GIPC3: variants seen among roughly 807,000 people sequenced by gnomAD.
GIPC3 encodes GIPC PDZ domain containing family member 3.
In GIPC3, 16 loss-of-function variants were observed where a neutral mutation model predicts 27.3. That is an observed-to-expected ratio of 0.59 (90% CI 0.40 to 0.89). The LOEUF (loss-of-function observed/expected upper bound fraction) is 0.89, where lower values mean the gene tolerates loss of function less well. GIPC3 is among the 40% of genes least tolerant of loss of function. The pLI is 0.00. For synonymous variants in GIPC3, 194 were observed against 184.6 expected (o/e 1.05, Z -0.41); for missense variants, 440 against 442.1 (o/e 1.00, Z 0.04).
chr19:3,591,505 C>T lies in GIPC3; in HGVS notation c.*1315C>T. The T allele has an allele frequency of 8.1e-7, 1 of 1,232,440 alleles. No individual in the cohort carries two copies. 76.3% of individuals were successfully genotyped at this position (1,232,440 alleles called of 1,614,324 possible). The stretch of plus-strand genomic sequence containing the variant: ...GACACTCGGTCTAGCTCCGGAACCC[C>T]AGTTAATTTTGGAACCCATGTGAGA... On this transcript the variant is annotated 3_prime_UTR_variant, in exon 6 of 6. Transcript: ENST00000644452.
chr19:3,592,855 G>T lies in GIPC3; in HGVS notation c.*2665G>T. The T allele has an allele frequency of 8.1e-7, 1 of 1,232,140 alleles. No homozygotes were observed. The highest frequency in any genetic ancestry group is 1.0e-6 in the Non-Finnish European group (1 of 988,056). 76.3% of individuals were successfully genotyped at this position (1,232,140 alleles called of 1,614,324 possible). ...AGAATCTGGCTGAGCCCTGGAAATG[G>T]AATCTGCCCACAGACCCCTGGCCTT... is the stretch of plus-strand genomic sequence containing the variant. On this transcript the variant is annotated 3_prime_UTR_variant, in exon 6 of 6. Coordinates refer to ENST00000644452, the MANE Select transcript of GIPC3 (RefSeq NM_133261.3).
Position 3,592,020 on chromosome 19 carries a change from G to T in GIPC3, c.*1830G>T. On this transcript the variant is annotated 3_prime_UTR_variant, in exon 6 of 6. Coordinates refer to ENST00000644452, the MANE Select transcript of GIPC3 (RefSeq NM_133261.3). Reference sequence around the variant, plus strand: ...CAGTTCTGGAGCACAGGCTGGTTCTGAAATCCCAGCCAGCTCCAAAACACA... The same window carrying T: ...CAGTTCTGGAGCACAGGCTGGTTCTTAAATCCCAGCCAGCTCCAAAACACA... 8.1e-7 allele frequency: 1 copy of T among 1,232,050 alleles called. No individual in the cohort carries two copies. The highest frequency in any genetic ancestry group is 1.0e-6 in the Non-Finnish European group (1 of 988,030). 76.3% of individuals were successfully genotyped at this position (1,232,050 alleles called of 1,614,324 possible).
In GIPC3 at chr19:3,589,835, G is replaced by C; in HGVS notation, c.710G>C (p.Ser237Thr). Reference protein sequence around the residue: ...GGAATVEEAPSEFEEEASRKV... With the variant: ...GGAATVEEAPTEFEEEASRKV... ...TTCCCTCCCGTGTGCCCCCAGCCCA[G>C]TGAGTTTGAGGAGGAGGCATCTCGG... The change falls in exon 5 of 6, where the codon AGT becomes ACT. Residue 237 changes from serine (S) to threonine (T), a missense_variant. Coordinates refer to ENST00000644452, the MANE Select transcript of GIPC3 (RefSeq NM_133261.3). The C allele has an allele frequency of 1.2e-6, 2 of 1,613,840 alleles. No homozygotes were observed.
At position 3,586,705 on chromosome 19, in the gene GIPC3, G is replaced by A. The variant is rs557145939; in HGVS notation, c.411+25G>A. 7.1e-5 allele frequency: 114 copies of A among 1,608,948 alleles called. No individual in the cohort carries two copies. In the East Asian group the frequency reaches 1.2e-3, roughly 16 times the overall value. On this transcript the variant is annotated intron_variant, in intron 2 of 5. Transcript: ENST00000644452. Reference sequence around the variant, plus strand: ...GGTGCCCGGGAGGGGGTGGGCGGGTGGCTTCCTGGGGTCCAGCAACTGCCC... The same window carrying A: ...GGTGCCCGGGAGGGGGTGGGCGGGTAGCTTCCTGGGGTCCAGCAACTGCCC...
Position 3,591,249 on chromosome 19 carries a change from AC to A in GIPC3, c.*1061del. On this transcript the variant is annotated 3_prime_UTR_variant, in exon 6 of 6. Coordinates refer to ENST00000644452, the MANE Select transcript of GIPC3 (RefSeq NM_133261.3). ...CTCTAGAACCCAGATAAGATCTGAG[AC>A]CAAGCCCTGCTCTGAAGCCCAGGCC... The A allele has an allele frequency of 8.1e-7, 1 of 1,232,856 alleles. No homozygotes were observed. Among genetic ancestry groups the A allele is most frequent in the Non-Finnish European group, 1.0e-6 (1 of 988,504 alleles). The allele number at this position is 1,232,856 out of a possible 1,614,324, so 76.4% of individuals were successfully genotyped here. A position where few individuals can be genotyped will look rare whatever the true frequency, so the allele number is the denominator to read the frequency against.
At chr19:3,587,836 GCC>G (rs2032404397) in intron 3 of GIPC3, among the ~76,000 whole-genome samples, 3 of 146,862 alleles carry the variant, frequency 2.0e-5, no homozygotes, top group African/African-American at 7.6e-5. Flanking sequence ...GACTACAGGC[GCC>G]CGCCACCACA....
chr19:3,590,073 G>A lies in GIPC3; in HGVS notation c.822G>A (p.Ala274=), dbSNP rs749866587. 43 of 1,611,172 alleles carry A rather than the reference G, an allele frequency of 2.7e-5. No homozygotes were observed. In the East Asian group the frequency reaches 2.7e-4, roughly 10 times the overall value. ...TGGTGGAGACGTCCAAGAAGACAGC[G>A]AGCGCCCAGGAGTTTGCACGCTGTT... ...STMVETSKKT[A]SAQEFARCLD... is the part of the protein sequence containing the mutation. Residue 274 remains alanine (A), a synonymous_variant, in exon 6 of 6, where the codon GCG becomes GCA. Transcript: ENST00000644452.
chr19:3,592,389 G>C lies in GIPC3; in HGVS notation c.*2199G>C. Reference sequence around the variant, plus strand: ...GACCCAGATAAGCTCAAGAATTCAAGCCAGCTCTGGAAGTCAGCTTAGTTC... The same window carrying C: ...GACCCAGATAAGCTCAAGAATTCAACCCAGCTCTGGAAGTCAGCTTAGTTC... On this transcript the variant is annotated 3_prime_UTR_variant, in exon 6 of 6. Transcript: ENST00000644452. 8.1e-7 allele frequency: 1 copy of C among 1,231,792 alleles called. No individual in the cohort carries two copies. Among genetic ancestry groups the C allele is most frequent in the Non-Finnish European group, 1.0e-6 (1 of 987,916 alleles). 76.3% of individuals were successfully genotyped at this position (1,231,792 alleles called of 1,614,324 possible). A position where few individuals can be genotyped will look rare whatever the true frequency, so the allele number is the denominator to read the frequency against.
Position 3,593,025 on chromosome 19 carries a change from C to A in GIPC3, c.*2835C>A. On this transcript the variant is annotated 3_prime_UTR_variant, in exon 6 of 6. Transcript: ENST00000644452. Reference sequence around the variant, plus strand: ...TCAGGTATGTGGCATCCAGGCCAGCCTTGGCCCCATCCCAGGCTTACCCCA... The same window carrying A: ...TCAGGTATGTGGCATCCAGGCCAGCATTGGCCCCATCCCAGGCTTACCCCA... 8.1e-7 allele frequency: 1 copy of A among 1,232,056 alleles called. No individual in the cohort carries two copies. Among genetic ancestry groups the A allele is most frequent in the Non-Finnish European group, 1.0e-6 (1 of 988,164 alleles). The allele number at this position is 1,232,056 out of a possible 1,614,324, so 76.3% of individuals were successfully genotyped here. A position where few individuals can be genotyped will look rare whatever the true frequency, so the allele number is the denominator to read the frequency against.
chr19:3,591,203 C>A lies in GIPC3; in HGVS notation c.*1013C>A, dbSNP rs369235367. ...CCAAGCCCTGTTCTAGAACTCAGGC[C>A]ACCTCTGAGGCCAAACCCAGCTCTA... On this transcript the variant is annotated 3_prime_UTR_variant, in exon 6 of 6. Transcript: ENST00000644452. The A allele has an allele frequency of 2.0e-5, 25 of 1,232,700 alleles. No individual in the cohort carries two copies. The highest frequency in any genetic ancestry group is 6.2e-4 in the Middle Eastern group (2 of 3,210). The allele number at this position is 1,232,700 out of a possible 1,614,324, so 76.4% of individuals were successfully genotyped here.
intron 3 of GIPC3, among the ~76,000 whole-genome samples, chr19:3,587,686 T>TTTTCTTTTCTTTTTTCC (rs2032399701): frequency 8.1e-6 from 1 of 123,604 alleles, no homozygotes; most frequent in African/African-American, 4.4e-5. Flanking sequence ...TTCTTTTTTC[T>TTTTCTTTTCTTTTTTCC]TTTCTTTTCT....
chr19:3,585,751 A>T lies in GIPC3; in HGVS notation c.154A>T (p.Ile52Phe). Residue 52 changes from isoleucine (I) to phenylalanine (F), a missense_variant, in exon 1 of 6, where the codon ATC (isoleucine) becomes TTC (phenylalanine). Transcript: ENST00000644452. The part of the protein sequence containing the change: ...QLAHGSPTGK[I>F]EGFTNVRELY... Reference sequence around the variant, plus strand: ...GGCGCACGGGAGCCCCACGGGCAAGATCGAGGGCTTCACCAACGTCCGCGA... The same window carrying T: ...GGCGCACGGGAGCCCCACGGGCAAGTTCGAGGGCTTCACCAACGTCCGCGA... 1 of 1,546,102 alleles carries T rather than the reference A, an allele frequency of 6.5e-7. No individual in the cohort carries two copies. The highest frequency in any genetic ancestry group is 8.7e-7 in the Non-Finnish European group (1 of 1,145,490).
At chr19:3,589,766 G>A in intron 4 of GIPC3, 65 bp from the exon 5 acceptor site, 2 of 1,521,356 alleles carry the variant, frequency 1.3e-6, no homozygotes, top group Non-Finnish European at 1.8e-6. Flanking sequence ...GTGGGGGTCG[G>A]GAGGGGGCTG....
At position 3,590,970 on chromosome 19, in the gene GIPC3, T is replaced by C. The variant is rs115083060; in HGVS notation, c.*780T>C. The C allele has an allele frequency of 4.3e-3, 5,266 of 1,225,520 alleles. 164 individuals carry two copies. In the African/African-American group the frequency reaches 0.075, roughly 17 times the overall value. The allele number at this position is 1,225,520 out of a possible 1,614,324, so 75.9% of individuals were successfully genotyped here. On this transcript the variant is annotated 3_prime_UTR_variant, in exon 6 of 6. Coordinates refer to ENST00000644452, the MANE Select transcript of GIPC3 (RefSeq NM_133261.3). Reference sequence around the variant, plus strand: ...AGAGCCCAGTATTGAGACCAAGCCCTGTTCTAGAGTCCAGGCCAGCTCCGA... The same window carrying C: ...AGAGCCCAGTATTGAGACCAAGCCCCGTTCTAGAGTCCAGGCCAGCTCCGA...
In GIPC3 at chr19:3,593,259, G is replaced by A. The variant is rs908268090; in HGVS notation, c.*3069G>A. ...CCTTTGCCCCACTCTGGGGGAGCCA[G>A]GAGCCCGCCCTTACCGCGGGGGGCC... On this transcript the variant is annotated 3_prime_UTR_variant, in exon 6 of 6. Transcript: ENST00000644452. The A allele has an allele frequency of 5.4e-5, 66 of 1,232,720 alleles. 1 individual carries two copies. In the Middle Eastern group the frequency reaches 2.2e-3, roughly 41 times the overall value. 76.4% of individuals were successfully genotyped at this position (1,232,720 alleles called of 1,614,324 possible).
Position 3,591,785 on chromosome 19 carries a change from C to T in GIPC3, c.*1595C>T. The T allele has an allele frequency of 8.1e-7, 1 of 1,233,622 alleles. No individual in the cohort carries two copies. The highest frequency in any genetic ancestry group is 1.0e-6 in the Non-Finnish European group (1 of 989,208). 76.4% of individuals were successfully genotyped at this position (1,233,622 alleles called of 1,614,324 possible). A position where few individuals can be genotyped will look rare whatever the true frequency, so the allele number is the denominator to read the frequency against. On this transcript the variant is annotated 3_prime_UTR_variant, in exon 6 of 6. Coordinates refer to ENST00000644452, the MANE Select transcript of GIPC3 (RefSeq NM_133261.3). Reference sequence around the variant, plus strand: ...CTAGTGCTACAACCAGGCCCAACTCCAGGATTCAGACCAGCTCTGGAACCC... The same window carrying T: ...CTAGTGCTACAACCAGGCCCAACTCTAGGATTCAGACCAGCTCTGGAACCC...
chr19:3,589,805 C>G, intron 4 of GIPC3, 26 bp from the exon 5 acceptor site: 1 of 1,610,676 alleles, frequency 6.2e-7, no homozygotes, highest in Non-Finnish European at 8.5e-7. Flanking sequence ...CTTTTCACCC[C>G]TGACTTCCCT....
At chr19:3,585,959 GA>G in intron 1 of GIPC3, 137 bp downstream of exon 1, 1 of 1,413,798 alleles carries the variant, frequency 7.1e-7, no homozygotes, top group Non-Finnish European at 9.4e-7. Context: ...GGATCTCAGA[GA>G]CCCAGCCCTC....
Position 3,591,365 on chromosome 19 carries a change from C to A in GIPC3, c.*1175C>A. On this transcript the variant is annotated 3_prime_UTR_variant, in exon 6 of 6. Coordinates refer to ENST00000644452, the MANE Select transcript of GIPC3 (RefSeq NM_133261.3). Reference sequence around the variant, plus strand: ...CCCAGACACATTTTAAGACCCAGACCAGCTTGGAGACCAATCCCAGTTCCA... The same window carrying A: ...CCCAGACACATTTTAAGACCCAGACAAGCTTGGAGACCAATCCCAGTTCCA... 1 of 1,232,494 alleles carries A rather than the reference C, an allele frequency of 8.1e-7. No individual in the cohort carries two copies. The highest frequency in any genetic ancestry group is 3.2e-5 in the East Asian group (1 of 31,720). The allele number at this position is 1,232,494 out of a possible 1,614,324, so 76.3% of individuals were successfully genotyped here. A position where few individuals can be genotyped will look rare whatever the true frequency, so the allele number is the denominator to read the frequency against.
Sources: allele counts gnomAD v4.1 joint callset (sites outside exome capture counted in the v4.1 genomes callset), GRCh38; gene constraint gnomAD v4.1.1; transcripts MANE v1.5; gene names NCBI Gene and HGNC (gene_info 2026-07-23, HGNC 2026-07-21).